Variants in CLHC1 observed in about 807,000 individuals in gnomAD.
CLHC1 encodes clathrin heavy chain linker domain-containing protein 1.
Under a neutral mutation model 69.5 loss-of-function variants are expected in CLHC1, and 72 were observed. That is an observed-to-expected ratio of 1.04 (90% CI 0.86 to 1.26). CLHC1 has a LOEUF of 1.26. Ranked by LOEUF, CLHC1 falls within the 50% of genes most tolerant of loss-of-function variation. The probability of loss-of-function intolerance (pLI) is 0.00; values close to 1 mark genes in which losing one functional copy is unlikely to be tolerated. For missense variants in CLHC1, 790 were observed against 679.3 expected, an observed-to-expected ratio of 1.16 and a Z score of -1.81; for synonymous variants, 223 against 224.3, an observed-to-expected ratio of 0.99 and a Z score of 0.05.
chr2:55,173,099 A>G lies in CLHC1; in HGVS notation c.*2691T>C, dbSNP rs926166959. Among the ~76,000 whole-genome samples the G allele has an allele frequency of 3.3e-5, 5 of 152,260 alleles. No homozygotes were observed. The highest frequency in any genetic ancestry group is 7.3e-5 in the Non-Finnish European group (5 of 68,044). On this transcript the variant is annotated 3_prime_UTR_variant, in exon 13 of 13. Coordinates refer to ENST00000401408, the MANE Select transcript of CLHC1 (RefSeq NM_152385.4). The stretch of plus-strand genomic sequence containing the variant: ...TGAAATCAGAGAAACTTAGTTCATC[A>G]TGACCCTTGCTTTGCAACTGCTATG...
chr2:55,180,548 A>T lies in CLHC1; in HGVS notation c.1346T>A (p.Val449Asp). 6.2e-7 allele frequency: 1 copy of T among 1,614,130 alleles called. No individual in the cohort carries two copies. The highest frequency in any genetic ancestry group is 8.5e-7 in the Non-Finnish European group (1 of 1,179,998). The change falls in exon 11 of 13, where the codon GTC (valine) becomes GAC (aspartate). Residue 449 changes from valine to aspartate, a missense_variant. Transcript: ENST00000401408. ...CTTCAACTGCTGTATGTACTCCATG[A>T]CCCTATGAGTCTGACCCTGTTTACA... Reference protein sequence around the residue: ...CLCKQGQTHRVMEYIQQLKDF... With the variant: ...CLCKQGQTHRDMEYIQQLKDF...
At chr2:55,198,262 G>C (rs963636802) in intron 9 of CLHC1, among the ~76,000 whole-genome samples, 2 of 152,190 alleles carry the variant, frequency 1.3e-5, no homozygotes, top group Admixed American at 6.5e-5. Flanking sequence ...GAGGTAGAAA[G>C]ACAGAGATGG....
intron 9 of CLHC1, 107 bp from the exon 10 acceptor site, chr2:55,181,851 A>G (rs544171755): frequency 3.7e-6 from 3 of 807,216 alleles, no homozygotes; most frequent in East Asian, 5.4e-5. Context: ...AACTTTAACA[A>G]TCTAAAATTA....
chr2:55,179,590 A>G (rs1201143492), intron 11 of CLHC1, among the ~76,000 whole-genome samples: 2 of 152,128 alleles, frequency 1.3e-5, no homozygotes, highest in Admixed American at 6.5e-5. Context: ...TCCATTTTGC[A>G]TCTTCTTAGA....
At chr2:55,196,333 T>C (rs978427061) in intron 9 of CLHC1, among the ~76,000 whole-genome samples, 11 of 151,960 alleles carry the variant, frequency 7.2e-5, no homozygotes, top group Non-Finnish European at 1.6e-4. Flanking sequence ...GGAAGGCATA[T>C]TACCTAGTAA....
chr2:55,182,167 G>A (rs576106590), intron 9 of CLHC1, among the ~76,000 whole-genome samples: 8 of 152,080 alleles, frequency 5.3e-5, no homozygotes, highest in Non-Finnish European at 1.2e-4. Flanking sequence ...TGCTATGACC[G>A]AAGAGAACAA....
At chr2:55,218,549 G>A (rs1331314663) in intron 3 of CLHC1, 2 of 152,090 alleles carry the variant, frequency 1.3e-5, no homozygotes, top group Non-Finnish European at 2.9e-5. Flanking sequence ...ATGGTGTTTA[G>A]GCATAGAAAA....
At chr2:55,215,317 T>C (rs951423562) in intron 4 of CLHC1, among the ~76,000 whole-genome samples, 27 of 152,226 alleles carry the variant, frequency 1.8e-4, no homozygotes, top group East Asian at 1.9e-4. Context: ...TTTCTTCAAA[T>C]ATTGTCTTTG....
At chr2:55,203,040 A>C (rs1364262048) in intron 9 of CLHC1, among the ~76,000 whole-genome samples, 1 of 152,190 alleles carries the variant, frequency 6.6e-6, no homozygotes, top group African/African-American at 2.4e-5. Flanking sequence ...TCCTGCTTAT[A>C]ATAGCCACAA....
intron 9 of CLHC1, among the ~76,000 whole-genome samples, chr2:55,184,919 A>AACAC (rs561837633): frequency 0.39 from 48,537 of 125,734 alleles, 9,271 homozygotes; most frequent in Admixed American, 0.43. Flanking sequence ...AAAAAAACAA[A>AACAC]ACACACACAC....
In CLHC1 at chr2:55,175,622, T is replaced by C; in HGVS notation, c.*168A>G. 1 of 562,482 alleles carries C rather than the reference T, an allele frequency of 1.8e-6. No homozygotes were observed. The highest frequency in any genetic ancestry group is 3.1e-6 in the Non-Finnish European group (1 of 318,090). The allele number at this position is 562,482 out of a possible 1,614,324, so 34.8% of individuals were successfully genotyped here. A position where few individuals can be genotyped will look rare whatever the true frequency, so the allele number is the denominator to read the frequency against. On this transcript the variant is annotated 3_prime_UTR_variant, in exon 13 of 13. Coordinates refer to ENST00000401408, the MANE Select transcript of CLHC1 (RefSeq NM_152385.4). ...ATATGGGGAAAAGGAAGCAATAGTA[T>C]AAATATTTCAAAGACAAATCTAAAT...
chr2:55,212,548 A>G (rs1673108178), intron 5 of CLHC1, 125 bp downstream of exon 5: 1 of 737,230 alleles, frequency 1.4e-6, no homozygotes, highest in Non-Finnish European at 2.2e-6. Context: ...GACTAAAATT[A>G]TGTGTACAAC....
chr2:55,186,015 G>C (rs1670379301), intron 9 of CLHC1, among the ~76,000 whole-genome samples: 2 of 152,174 alleles, frequency 1.3e-5, no homozygotes, highest in African/African-American at 2.4e-5. Flanking sequence ...TATCAAACTT[G>C]AGATGGGCCT....
intron 9 of CLHC1, among the ~76,000 whole-genome samples, chr2:55,183,275 A>G (rs1220299642): frequency 2.6e-5 from 4 of 152,236 alleles, no homozygotes; most frequent in Non-Finnish European, 5.9e-5. Flanking sequence ...ACCTAAAAAT[A>G]AAACTATTAA....
chr2:55,216,822 C>A (rs1344863096), intron 4 of CLHC1, among the ~76,000 whole-genome samples: 1 of 152,088 alleles, frequency 6.6e-6, no homozygotes, highest in Non-Finnish European at 1.5e-5. Flanking sequence ...CCTGTGCGGA[C>A]CCTCATTTTA....
rs139361340 is a variant in CLHC1 at position 55,209,477 on chromosome 2, T to A, written c.741A>T (p.Ser247=). The A allele has an allele frequency of 6.2e-7, 1 of 1,612,034 alleles. No individual in the cohort carries two copies. The highest frequency in any genetic ancestry group is 1.3e-5 in the African/African-American group (1 of 74,786). Residue 247 remains serine (S), a synonymous_variant, in exon 7 of 13, where the codon TCA becomes TCT. Transcript: ENST00000401408. The part of the protein sequence containing the change: ...RLQIISQALS[S]WVKSDMSSPF... ...GGCTGCTCATATCAGATTTTACCCA[T>A]GAACTAAGTGCCTGTGAAATTATCT...
At chr2:55,186,291 A>C (rs944585742) in intron 9 of CLHC1, among the ~76,000 whole-genome samples, 4 of 152,248 alleles carry the variant, frequency 2.6e-5, no homozygotes, top group African/African-American at 9.6e-5. Context: ...AGTGGGGAAG[A>C]AATTAAGCTC....
At chr2:55,211,162 T>G (rs1305507705) in intron 5 of CLHC1, among the ~76,000 whole-genome samples, 1 of 152,168 alleles carries the variant, frequency 6.6e-6, no homozygotes, top group Non-Finnish European at 1.5e-5. Context: ...CTGTACTTAT[T>G]AATATGTATC....
At chr2:55,191,798 TC>T (rs113210234) in intron 9 of CLHC1, among the ~76,000 whole-genome samples, 8 of 147,684 alleles carry the variant, frequency 5.4e-5, no homozygotes, top group African/African-American at 7.5e-5. Flanking sequence ...AAAAAAGGTT[TC>T]AAAAAAAAAG....
Sources: allele counts gnomAD v4.1 joint callset (sites outside exome capture counted in the v4.1 genomes callset), GRCh38; gene constraint gnomAD v4.1.1; transcripts MANE v1.5; gene names NCBI Gene and HGNC (gene_info 2026-07-23, HGNC 2026-07-21).